The following RAD51B variants were observed in gnomAD, a reference collection of about 807,000 sequenced individuals.
The protein encoded by RAD51B is RAD51 paralog B.
RAD51B carries 38 observed loss-of-function variants against 42.2 expected under a neutral mutation model. The ratio of observed to expected loss-of-function variants is 0.90; its 90% confidence interval spans 0.70 to 1.18. The LOEUF (loss-of-function observed/expected upper bound fraction) is 1.18, where lower values mean the gene tolerates loss of function less well. Among genes scored for constraint, RAD51B ranks in the 50% most tolerant of loss-of-function variants. The pLI, the probability that RAD51B is intolerant of heterozygous loss-of-function variation, is 0.00. For missense variants in RAD51B, 373 were observed against 400.7 expected (o/e 0.93, Z 0.59); for synonymous variants, 154 against 145.2 (o/e 1.06, Z -0.43).
intron 10 of RAD51B, among the ~76,000 whole-genome samples, chr14:68,484,378 G>A (rs1321106650): frequency 1.2e-5 from 1 of 83,246 alleles, no homozygotes; most frequent in Non-Finnish European, 2.2e-5. Context: ...TTTTTTTTGA[G>A]ACAGAGTTTT....
At chr14:68,533,344 G>A (rs1408010457) in intron 10 of RAD51B, among the ~76,000 whole-genome samples, 4 of 152,168 alleles carry the variant, frequency 2.6e-5, no homozygotes, top group Admixed American at 2.6e-4. Flanking sequence ...TTAAAGATGG[G>A]AGATTCCTGA....
chr14:68,009,530 G>T (rs2075649500), intron 7 of RAD51B, among the ~76,000 whole-genome samples: 2 of 151,456 alleles, frequency 1.3e-5, no homozygotes, highest in African/African-American at 4.8e-5. Flanking sequence ...GTACCTTTTT[G>T]GTTCACTCAT....
chr14:68,276,938 G>T (rs951170393), intron 7 of RAD51B, among the ~76,000 whole-genome samples: 1 of 152,218 alleles, frequency 6.6e-6, no homozygotes, highest in Non-Finnish European at 1.5e-5. Context: ...GGATGTCGGG[G>T]AGCAGGTCCC....
At chr14:67,932,305 A>C (rs1227972732) in intron 7 of RAD51B, among the ~76,000 whole-genome samples, 1 of 151,918 alleles carries the variant, frequency 6.6e-6, no homozygotes, top group Admixed American at 6.6e-5. Context: ...TCTCTGTATT[A>C]TTTCTTTAGC....
intron 4 of RAD51B, among the ~76,000 whole-genome samples, chr14:67,852,047 A>G (rs187862650): frequency 6.7e-6 from 1 of 148,656 alleles, no homozygotes; most frequent in East Asian, 2.1e-4. Flanking sequence ...CAGGCTCTTC[A>G]CTCCCTCCCC....
At chr14:68,453,638 G>T (rs1211610279) in intron 9 of RAD51B, among the ~76,000 whole-genome samples, 1 of 152,084 alleles carries the variant, frequency 6.6e-6, no homozygotes, top group Non-Finnish European at 1.5e-5. Flanking sequence ...TAAAACAGGG[G>T]ATTATGCCTG....
chr14:67,995,763 G>A (rs1237429091), intron 7 of RAD51B, among the ~76,000 whole-genome samples: 1 of 151,676 alleles, frequency 6.6e-6, no homozygotes, highest in Non-Finnish European at 1.5e-5. Flanking sequence ...GACTACAGGC[G>A]CCCGCCACCA....
intron 7 of RAD51B, among the ~76,000 whole-genome samples, chr14:67,960,608 T>C (rs1265753848): frequency 6.6e-6 from 1 of 152,218 alleles, no homozygotes. Context: ...GCAAGAACAC[T>C]GGATAGAACT....
chr14:68,388,094 A>ATATAT (rs1483952338), intron 8 of RAD51B, among the ~76,000 whole-genome samples: 97 of 118,916 alleles, frequency 8.2e-4, no homozygotes, highest in African/African-American at 2.8e-3. Flanking sequence ...ATATATATAT[A>ATATAT]TTTTTTTTTT....
At chr14:68,655,217 C>T (rs1892787553) in intron 11 of RAD51B, among the ~76,000 whole-genome samples, 1 of 152,168 alleles carries the variant, frequency 6.6e-6, no homozygotes, top group South Asian at 2.1e-4. Flanking sequence ...ATCTCTCTCT[C>T]TCTCAATGCA....
intron 10 of RAD51B, among the ~76,000 whole-genome samples, chr14:68,589,992 T>C (rs1890667674): frequency 6.6e-6 from 1 of 152,168 alleles, no homozygotes; most frequent in African/African-American, 2.4e-5. Context: ...TTTCTTAATG[T>C]TGCACTGACA....
intron 7 of RAD51B, among the ~76,000 whole-genome samples, chr14:67,975,378 T>A: frequency 6.6e-6 from 1 of 152,252 alleles, no homozygotes; most frequent in East Asian, 1.9e-4. Flanking sequence ...ATTGGCCTAA[T>A]CAAATTTCTG....
intron 7 of RAD51B, among the ~76,000 whole-genome samples, chr14:67,889,786 C>T (rs1039110621): frequency 1.3e-5 from 2 of 151,968 alleles, no homozygotes; most frequent in African/African-American, 4.8e-5. Context: ...CAGAAGTTTT[C>T]AATTATAAGA....
intron 3 of RAD51B, among the ~76,000 whole-genome samples, chr14:67,829,382 A>G (rs1357542178): frequency 6.6e-6 from 1 of 151,988 alleles, no homozygotes; most frequent in African/African-American, 2.4e-5. Flanking sequence ...AGCTGGGACT[A>G]CAGATGCCCA....
chr14:68,625,719 G>T (rs1026611427), intron 10 of RAD51B, among the ~76,000 whole-genome samples: 1 of 152,166 alleles, frequency 6.6e-6, no homozygotes, highest in Admixed American at 6.5e-5. Flanking sequence ...TGGGCAGATG[G>T]GGGAGGTCTT....
intron 8 of RAD51B, among the ~76,000 whole-genome samples, chr14:68,302,789 A>G (rs539956405): frequency 1.3e-5 from 2 of 152,382 alleles, no homozygotes; most frequent in Non-Finnish European, 2.9e-5. Flanking sequence ...CAGCAGGAGC[A>G]TATCCTTAAG....
chr14:68,378,418 G>A (rs1451400755), intron 8 of RAD51B, among the ~76,000 whole-genome samples: 1 of 152,060 alleles, frequency 6.6e-6, no homozygotes, highest in Admixed American at 6.6e-5. Context: ...TTTCTTTGTT[G>A]GTTGAAGTGA....
chr14:67,950,832 T>G (rs1358874191), intron 7 of RAD51B, among the ~76,000 whole-genome samples: 1 of 152,162 alleles, frequency 6.6e-6, no homozygotes, highest in Non-Finnish European at 1.5e-5. Context: ...TCTAACGTGA[T>G]TCAGAGAAAT....
intron 7 of RAD51B, among the ~76,000 whole-genome samples, chr14:67,925,960 C>T (rs79153572): frequency 0.016 from 2,375 of 152,214 alleles, 29 homozygotes; most frequent in African/African-American, 0.036. Context: ...CAGCCTGGGC[C>T]GCACACAGCA....
Sources: allele counts gnomAD v4.1 joint callset (sites outside exome capture counted in the v4.1 genomes callset), GRCh38; gene constraint gnomAD v4.1.1; transcripts MANE v1.5; gene names NCBI Gene and HGNC (gene_info 2026-07-23, HGNC 2026-07-21).